Variants in DLGAP2 observed in about 807,000 individuals in gnomAD.
DLGAP2 encodes the protein disks large-associated protein 2.
DLGAP2 carries 26 observed loss-of-function variants against 100.3 expected under a neutral mutation model. The observed-to-expected ratio is 0.26, with a 90% CI of 0.19 to 0.36. DLGAP2 has a LOEUF of 0.36. Ranked by LOEUF, DLGAP2 falls within the 10% of genes least tolerant of loss-of-function variation. The pLI, the probability that DLGAP2 is intolerant of heterozygous loss-of-function variation, is 1.00. For missense variants in DLGAP2, 1,858 were observed against 1,453.2 expected (o/e 1.28, Z -4.53); for synonymous variants, 886 against 630.1 (o/e 1.41, Z -6.08).
intron 1 of DLGAP2, among the ~76,000 whole-genome samples, chr8:773,194 G>A (rs367991834): frequency 1.3e-5 from 2 of 152,284 alleles, no homozygotes; most frequent in East Asian, 1.9e-4. Flanking sequence ...TTTCTGCAAA[G>A]GCCTCTTTCT....
At chr8:1,005,032 G>C (rs1178800151) in intron 2 of DLGAP2, among the ~76,000 whole-genome samples, 2 of 152,246 alleles carry the variant, frequency 1.3e-5, no homozygotes, top group African/African-American at 4.8e-5. Flanking sequence ...GACCATGGAG[G>C]GCAATGAGTG....
intron 3 of DLGAP2, among the ~76,000 whole-genome samples, chr8:1,391,876 C>T (rs961775227): frequency 6.6e-6 from 1 of 152,228 alleles, no homozygotes; most frequent in Non-Finnish European, 1.5e-5. Context: ...GTCTTCCCCT[C>T]CTGAACGCTT....
intron 2 of DLGAP2, among the ~76,000 whole-genome samples, chr8:969,775 G>A (rs73538105): frequency 0.055 from 8,386 of 152,034 alleles, 800 homozygotes; most frequent in African/African-American, 0.19. Context: ...TTACACAGTG[G>A]GAATCAGCAG....
chr8:772,512 G>C (rs905424821), intron 1 of DLGAP2, among the ~76,000 whole-genome samples: 3 of 151,780 alleles, frequency 2.0e-5, no homozygotes, highest in Non-Finnish European at 4.4e-5. Flanking sequence ...TAGTAGAGAC[G>C]GGGTTTCACC....
At chr8:1,519,792 C>G (rs556641766) in intron 4 of DLGAP2, among the ~76,000 whole-genome samples, 11 of 152,386 alleles carry the variant, frequency 7.2e-5, no homozygotes, top group East Asian at 1.9e-4. Flanking sequence ...CCTGTGCTGC[C>G]TGTCACAGTG....
chr8:1,622,937 G>A (rs552126718), intron 6 of DLGAP2, among the ~76,000 whole-genome samples: 95 of 152,266 alleles, frequency 6.2e-4, no homozygotes, highest in African/African-American at 2.2e-3. Context: ...TGTGTCACCT[G>A]GCGGGGCCAC....
At chr8:1,203,494 G>A (rs1797926140) in intron 2 of DLGAP2, among the ~76,000 whole-genome samples, 1 of 152,174 alleles carries the variant, frequency 6.6e-6, no homozygotes, top group South Asian at 2.1e-4. Context: ...TGTGCATTTT[G>A]CGTGTCCTGA....
At chr8:1,379,514 A>T (rs1796042302) in intron 3 of DLGAP2, 1 of 152,250 alleles carries the variant, frequency 6.6e-6, no homozygotes, top group South Asian at 2.1e-4. Context: ...TCACCGAGCC[A>T]CCATGCGCCC....
At chr8:822,028 C>T (rs1796592759) in intron 1 of DLGAP2, 1 of 397,792 alleles carries the variant, frequency 2.5e-6, no homozygotes, top group Non-Finnish European at 4.4e-6. Context: ...ATTTTTTTCC[C>T]CATAGGGGAG....
intron 1 of DLGAP2, among the ~76,000 whole-genome samples, chr8:876,707 A>G (rs1163011467): frequency 6.6e-6 from 1 of 151,864 alleles, no homozygotes; most frequent in Admixed American, 6.6e-5. Context: ...TTCAGCTATT[A>G]TTTTTTGCAT....
At chr8:1,146,385 C>T (rs757750637) in intron 2 of DLGAP2, among the ~76,000 whole-genome samples, 2 of 152,162 alleles carry the variant, frequency 1.3e-5, no homozygotes, top group African/African-American at 2.4e-5. Flanking sequence ...TTTCTAACGC[C>T]TCTTGCTCTG....
chr8:1,473,695 C>T (rs1798859942), intron 3 of DLGAP2, among the ~76,000 whole-genome samples: 1 of 152,150 alleles, frequency 6.6e-6, no homozygotes, highest in Non-Finnish European at 1.5e-5. Flanking sequence ...CCATAATCTC[C>T]ACTGTTGTGG....
chr8:1,285,726 T>C (rs1184453201), intron 3 of DLGAP2, among the ~76,000 whole-genome samples: 3 of 152,218 alleles, frequency 2.0e-5, no homozygotes, highest in African/African-American at 7.2e-5. Context: ...CCCAATACTT[T>C]AGTAGGCTGA....
In DLGAP2 at chr8:1,607,219, TC is replaced by T. The variant is rs761666602; in HGVS notation, c.1443-19520del. On this transcript the variant is annotated intron_variant, in intron 6 of 14. Coordinates refer to ENST00000637795, the MANE Select transcript of DLGAP2 (RefSeq NM_001346810.2). ...TGTTTATATAAAAATTATCCATCAT[TC>T]TTTAAAATCTGACTTATATTCTTTA... 4.6e-5 allele frequency among the ~76,000 whole-genome samples: 7 copies of T among 152,344 alleles called. No individual in the cohort carries two copies. In the South Asian group the frequency reaches 1.4e-3, roughly 32 times the overall value.
chr8:971,437 C>T (rs768639243), intron 2 of DLGAP2, among the ~76,000 whole-genome samples: 4 of 152,200 alleles, frequency 2.6e-5, no homozygotes, highest in African/African-American at 9.6e-5. Flanking sequence ...AAAATTGGAG[C>T]AACCAGCAGA....
intron 3 of DLGAP2, among the ~76,000 whole-genome samples, chr8:1,417,260 TTTAGCGTC>T (rs1412620638): frequency 1.4e-5 from 2 of 148,080 alleles, no homozygotes; most frequent in African/African-American, 5.0e-5. Context: ...CCGGCATTCA[TTTAGCGTC>T]TGAGGCGGGA....
At chr8:919,602 A>C (rs1027610504) in intron 2 of DLGAP2, among the ~76,000 whole-genome samples, 1 of 152,204 alleles carries the variant, frequency 6.6e-6, no homozygotes, top group Non-Finnish European at 1.5e-5. Flanking sequence ...AGAATAGGAG[A>C]GGCTGCGCCA....
In DLGAP2 at chr8:1,297,547, G is replaced by A. The variant is rs554434374; in HGVS notation, c.106+38664G>A. On this transcript the variant is annotated intron_variant, in intron 3 of 14. Coordinates refer to ENST00000637795, the MANE Select transcript of DLGAP2 (RefSeq NM_001346810.2). ...CACGTGAGACAGGGAGGAGAAACGTGGCAGGCATGAACAGACACCACGTGA... is the reference window on the plus strand; with the variant it reads ...CACGTGAGACAGGGAGGAGAAACGTAGCAGGCATGAACAGACACCACGTGA... 2.3e-5 allele frequency among the ~76,000 whole-genome samples: 3 copies of A among 131,590 alleles called. No homozygotes were observed. In the East Asian group the frequency reaches 7.1e-4, roughly 31 times the overall value. The allele number at this position is 131,590 out of a possible 152,430, so 86.3% of individuals were successfully genotyped here.
intron 2 of DLGAP2, among the ~76,000 whole-genome samples, chr8:1,191,445 T>C (rs12676811): frequency 0.15 from 22,302 of 152,160 alleles, 1,875 homozygotes; most frequent in East Asian, 0.37. Context: ...GCGGGGATTA[T>C]AGGCGTGAGC....
Sources: gnomAD v4.1 joint callset for allele counts (sites outside exome capture counted in the v4.1 genomes callset) on GRCh38, gnomAD v4.1.1 for gene constraint, MANE v1.5 for transcripts, NCBI Gene and HGNC (gene_info 2026-07-23, HGNC 2026-07-21) for gene names.